CEP89: variants seen among roughly 807,000 people sequenced by gnomAD.
CEP89 encodes the protein centrosomal protein 89, also known as centrosomal protein of 89 kDa.
Under a neutral mutation model 97.6 loss-of-function variants are expected in CEP89, and 95 were observed. The ratio of observed to expected loss-of-function variants is 0.97; its 90% CI spans 0.82 to 1.15. CEP89 has a LOEUF of 1.15. Ranked by LOEUF, CEP89 falls within the 50% of genes most tolerant of loss-of-function variation. CEP89 has a pLI of 0.00. For missense variants in CEP89, 869 were observed against 947.7 expected (o/e 0.92, Z 1.09); for synonymous variants, 354 against 349.1 (o/e 1.01, Z -0.16).
chr19:32,949,639 C>T (rs895849929), intron 4 of CEP89, among the ~76,000 whole-genome samples: 5 of 152,080 alleles, frequency 3.3e-5, no homozygotes, highest in African/African-American at 1.2e-4. Context: ...CTGCCTTGGC[C>T]TCCCAAAGGG....
intron 16 of CEP89, among the ~76,000 whole-genome samples, chr19:32,889,751 G>A (rs774357798): frequency 1.1e-4 from 17 of 152,296 alleles, no homozygotes; most frequent in South Asian, 4.1e-4. Context: ...ACGGCTTTGC[G>A]TTTACAGTGG....
intron 9 of CEP89, among the ~76,000 whole-genome samples, chr19:32,928,917 T>C (rs1397640888): frequency 6.6e-6 from 1 of 152,210 alleles, no homozygotes; most frequent in African/African-American, 2.4e-5. Context: ...TTTATCCTGC[T>C]ACTCTTGAGG....
At chr19:32,882,929 G>A (rs543220498) in intron 17 of CEP89, among the ~76,000 whole-genome samples, 1 of 152,088 alleles carries the variant, frequency 6.6e-6, no homozygotes, top group South Asian at 2.1e-4. Context: ...CGCAATATCA[G>A]CTCACTGCAA....
At chr19:32,962,094 G>C (rs1378870101) in intron 2 of CEP89, among the ~76,000 whole-genome samples, 5 of 151,350 alleles carry the variant, frequency 3.3e-5, no homozygotes, top group Non-Finnish European at 7.4e-5. Flanking sequence ...ACACTGATAT[G>C]GTTTGGCTCT....
chr19:32,890,495 G>C (rs937568640), intron 16 of CEP89, among the ~76,000 whole-genome samples: 1 of 152,170 alleles, frequency 6.6e-6, no homozygotes, highest in African/African-American at 2.4e-5. Context: ...CTCCACACAG[G>C]AGAACCAAAA....
At chr19:32,951,563 A>G (rs946868823) in intron 4 of CEP89, among the ~76,000 whole-genome samples, 49 of 150,696 alleles carry the variant, frequency 3.3e-4, no homozygotes, top group African/African-American at 1.2e-3. Flanking sequence ...ACACACACAC[A>G]CACGCACACT....
rs1396781324 is a variant in CEP89, at chr19:32,898,292, A to G, written c.1875+1565T>C. On this transcript the variant is annotated intron_variant, in intron 16 of 18. Coordinates refer to ENST00000305768, the MANE Select transcript of CEP89 (RefSeq NM_032816.5). ...ATAAGCCAGACCTAGAAAGATAAAT[A>G]TGGCATGTACTCATTCATATGTGGG... Among the ~76,000 whole-genome samples the G allele has an allele frequency of 2.0e-5, 3 of 152,262 alleles. No individual in the cohort carries two copies. The East Asian group carries it at 5.8e-4, about 29-fold the overall frequency.
At chr19:32,909,409 C>G (rs891682892) in intron 14 of CEP89, among the ~76,000 whole-genome samples, 4 of 152,174 alleles carry the variant, frequency 2.6e-5, no homozygotes, top group Admixed American at 2.6e-4. Flanking sequence ...AATCCCTCAA[C>G]TGACACAGTA....
Position 32,879,302 on chromosome 19 carries a change from C to T in CEP89, c.2212G>A (p.Asp738Asn), listed in dbSNP as rs377394598. 6 of 1,614,108 alleles carry T rather than the reference C, an allele frequency of 3.7e-6. No individual in the cohort carries two copies. In the African/African-American group the frequency reaches 5.3e-5, roughly 14 times the overall value. Reference protein sequence around the residue: ...ENRRIRELLQDTLTRTGVQDN... With the variant: ...ENRRIRELLQNTLTRTGVQDN... Reference sequence around the variant, plus strand: ...TGCACGCCTGTCCTCGTGAGTGTGTCCTGGAGAAGTTCTCGGATTCTTCGG... The same window carrying T: ...TGCACGCCTGTCCTCGTGAGTGTGTTCTGGAGAAGTTCTCGGATTCTTCGG... Residue 738 changes from aspartate to asparagine, a missense_variant, in exon 19 of 19, where the codon GAC becomes AAC. Transcript: ENST00000305768.
At chr19:32,950,485 G>C (rs1410367359) in intron 4 of CEP89, among the ~76,000 whole-genome samples, 1 of 152,214 alleles carries the variant, frequency 6.6e-6, no homozygotes, top group African/African-American at 2.4e-5. Flanking sequence ...TTGAACCCAG[G>C]AGGCGGAGGT....
rs10420537 is a variant in CEP89, at chr19:32,932,238, G to T, written c.887-667C>A. 6.4e-3 allele frequency among the ~76,000 whole-genome samples: 971 copies of T among 150,910 alleles called. 11 individuals carry two copies. Among genetic ancestry groups the T allele is most frequent in the African/African-American group, 0.022 (921 of 41,240 alleles). The stretch of plus-strand genomic sequence containing the variant: ...TAGAATACATGGAAAATGTATTAGA[G>T]CTAATAACCTTCCCACATAATAGCA... On this transcript the variant is annotated intron_variant, in intron 8 of 18. Transcript: ENST00000305768.
chr19:32,951,534 TACACACACACACAC>T (rs60580377), intron 4 of CEP89, among the ~76,000 whole-genome samples: 1 of 122,042 alleles, frequency 8.2e-6, no homozygotes, highest in South Asian at 2.8e-4. Context: ...TATATATATA[TACACACACACACAC>T]ACACACACAC....
At chr19:32,957,137 C>G (rs1971065639) in intron 3 of CEP89, among the ~76,000 whole-genome samples, 2 of 152,190 alleles carry the variant, frequency 1.3e-5, no homozygotes, top group Admixed American at 1.3e-4. Context: ...CTACACTGTT[C>G]TTGCTACTTT....
intron 16 of CEP89, among the ~76,000 whole-genome samples, chr19:32,893,889 A>C (rs754330076): frequency 1.1e-4 from 16 of 152,240 alleles, no homozygotes; most frequent in Non-Finnish European, 2.2e-4. Flanking sequence ...AGCAAAAGCA[A>C]TGCTAAGAGG....
intron 8 of CEP89, 52 bp from the exon 9 acceptor site, chr19:32,931,623 C>G (rs1970475225): frequency 2.1e-6 from 3 of 1,416,964 alleles, no homozygotes; most frequent in Non-Finnish European, 2.9e-6. Flanking sequence ...CCAATTTATC[C>G]AGATTTTATT....
chr19:32,963,522 T>C (rs1048044910), intron 2 of CEP89: 1 of 152,146 alleles, frequency 6.6e-6, no homozygotes, highest in African/African-American at 2.4e-5. Context: ...AGGAGGGCAA[T>C]AAGAAGGGTT....
At chr19:32,898,205 A>C (rs1969683566) in intron 16 of CEP89, among the ~76,000 whole-genome samples, 1 of 152,236 alleles carries the variant, frequency 6.6e-6, no homozygotes, top group South Asian at 2.1e-4. Flanking sequence ...GCCATATAAA[A>C]GAACAAAACC....
rs929591410 is a variant in CEP89, at chr19:32,902,010, C to CTGTGTGTGTGTGTG, written c.1566-612_1566-599dup. On this transcript the variant is annotated intron_variant, in intron 14 of 18. Coordinates refer to ENST00000305768, the MANE Select transcript of CEP89 (RefSeq NM_032816.5). Reference sequence around the variant, plus strand: ...TCTGTCTCTCTGTCTCTCTCTCTCTCTGTGTGTGTGTGTGTGTGTGTGTGT... The same window carrying CTGTGTGTGTGTGTG: ...TCTGTCTCTCTGTCTCTCTCTCTCTCTGTGTGTGTGTGTGTGTGTGTGTGTGTGTGTGTGTGTGT... 3.1e-3 allele frequency among the ~76,000 whole-genome samples: 418 copies of CTGTGTGTGTGTGTG among 133,794 alleles called. 1 individual carries two copies. Among genetic ancestry groups the CTGTGTGTGTGTGTG allele is most frequent in the Middle Eastern group, 0.018 (5 of 272 alleles). The allele number at this position is 133,794 out of a possible 152,430, so 87.8% of individuals were successfully genotyped here.
chr19:32,952,974 G>C (rs1261341072), intron 4 of CEP89, among the ~76,000 whole-genome samples: 3 of 150,378 alleles, frequency 2.0e-5, no homozygotes, highest in Non-Finnish European at 4.4e-5. Flanking sequence ...AAAGGAAAAA[G>C]GGATATGGTG....
Sources: allele counts gnomAD v4.1 joint callset (sites outside exome capture counted in the v4.1 genomes callset), GRCh38; gene constraint gnomAD v4.1.1; transcripts MANE v1.5; gene names NCBI Gene and HGNC (gene_info 2026-07-23, HGNC 2026-07-21).